Variants in DLG2 observed in about 807,000 individuals in gnomAD.
DLG2 encodes the protein discs large MAGUK scaffold protein 2.
DLG2 carries 45 observed loss-of-function variants against 132.5 expected under a neutral mutation model. The observed-to-expected ratio is 0.34, with a 90% CI of 0.27 to 0.44. The LOEUF (loss-of-function observed/expected upper bound fraction) is 0.44, where lower values mean the gene tolerates loss of function less well. Among genes scored for constraint, DLG2 ranks in the 20% least tolerant of loss-of-function variants. DLG2 has a pLI of 1.00. For synonymous variants in DLG2, 424 were observed against 419.6 expected (o/e 1.01, Z -0.13); for missense variants, 1,045 against 1,196.9 (o/e 0.87, Z 1.87).
chr11:85,428,843 GT>G (rs2090967471), intron 3 of DLG2, among the ~76,000 whole-genome samples: 1 of 151,960 alleles, frequency 6.6e-6, no homozygotes, highest in African/African-American at 2.4e-5. Flanking sequence ...CCAGGAGCTG[GT>G]TTTTTGAAAA....
At chr11:84,526,979 C>A (rs978674633) in intron 7 of DLG2, among the ~76,000 whole-genome samples, 6 of 152,018 alleles carry the variant, frequency 3.9e-5, no homozygotes, top group Non-Finnish European at 5.9e-5. Flanking sequence ...GGGGTTTCAC[C>A]GTTTTAGCCG....
chr11:84,342,066 T>A (rs1018584008), intron 7 of DLG2, among the ~76,000 whole-genome samples: 33 of 152,234 alleles, frequency 2.2e-4, no homozygotes, highest in African/African-American at 4.8e-4. Context: ...TTTTTTTTTT[T>A]AATTTTATTT....
chr11:84,021,514 A>G (rs1178330171), intron 11 of DLG2, among the ~76,000 whole-genome samples: 1 of 152,128 alleles, frequency 6.6e-6, no homozygotes, highest in Non-Finnish European at 1.5e-5. Flanking sequence ...CTGGTCCTTA[A>G]GCAGCTGCTA....
At chr11:85,161,072 T>C (rs1205656480) in intron 4 of DLG2, among the ~76,000 whole-genome samples, 1 of 152,122 alleles carries the variant, frequency 6.6e-6, no homozygotes, top group Non-Finnish European at 1.5e-5. Flanking sequence ...GGAAAATTGG[T>C]GACAAAGAAA....
intron 7 of DLG2, among the ~76,000 whole-genome samples, chr11:84,291,317 A>G (rs1487402277): frequency 6.6e-6 from 1 of 152,194 alleles, no homozygotes; most frequent in Non-Finnish European, 1.5e-5. Context: ...TAGACAAAAA[A>G]GAATATTGCC....
intron 6 of DLG2, among the ~76,000 whole-genome samples, chr11:84,594,125 A>T (rs934143153): frequency 6.6e-6 from 1 of 152,186 alleles, no homozygotes; most frequent in Non-Finnish European, 1.5e-5. Context: ...TTAGAATAGG[A>T]AATAATTGGT....
intron 6 of DLG2, among the ~76,000 whole-genome samples, chr11:85,093,346 T>C (rs2069143055): frequency 6.6e-6 from 1 of 152,150 alleles, no homozygotes; most frequent in African/African-American, 2.4e-5. Context: ...TTTTCACTTC[T>C]ATAATCTTCA....
chr11:83,782,880 G>C (rs2094892363), intron 18 of DLG2, among the ~76,000 whole-genome samples: 1 of 152,130 alleles, frequency 6.6e-6, no homozygotes, highest in Admixed American at 6.5e-5. Context: ...GGGTACCTGT[G>C]GGTGCACATG....
At chr11:84,737,559 A>C (rs2064017223) in intron 6 of DLG2, among the ~76,000 whole-genome samples, 1 of 151,364 alleles carries the variant, frequency 6.6e-6, no homozygotes, top group Non-Finnish European at 1.5e-5. Flanking sequence ...GTGTGTGGGA[A>C]GGTTTATGTA....
chr11:85,614,793 T>C (rs2081235199), intron 2 of DLG2, among the ~76,000 whole-genome samples: 1 of 152,358 alleles, frequency 6.6e-6, no homozygotes, highest in South Asian at 2.1e-4. Context: ...ACTACTACTA[T>C]ATACATTTTC....
intron 9 of DLG2, among the ~76,000 whole-genome samples, chr11:84,107,484 C>T (rs569076508): frequency 1.7e-5 from 1 of 58,572 alleles, no homozygotes; most frequent in South Asian, 6.2e-4. Flanking sequence ...TTTGAGCACT[C>T]CATCTTTAAT....
At chr11:84,779,338 C>T (rs11234175) in intron 6 of DLG2, among the ~76,000 whole-genome samples, 85,622 of 151,906 alleles carry the variant, frequency 0.56, 25,338 homozygotes, top group African/African-American at 0.74. Flanking sequence ...GTAAATAATA[C>T]TGCTTTCTTT....
At chr11:84,705,535 C>T (rs1036132469) in intron 6 of DLG2, among the ~76,000 whole-genome samples, 4 of 151,770 alleles carry the variant, frequency 2.6e-5, no homozygotes, top group Admixed American at 1.3e-4. Flanking sequence ...ATGAAACTAT[C>T]GATTATTTTA....
intron 10 of DLG2, among the ~76,000 whole-genome samples, chr11:84,061,911 A>T (rs2096597496): frequency 6.6e-6 from 1 of 151,608 alleles, no homozygotes; most frequent in Non-Finnish European, 1.5e-5. Flanking sequence ...TGTAGGCATC[A>T]TGGGTGCCAG....
intron 16 of DLG2, among the ~76,000 whole-genome samples, chr11:83,845,415 TGCA>T (rs1555048968): frequency 6.6e-6 from 1 of 152,204 alleles, no homozygotes; most frequent in Non-Finnish European, 1.5e-5. Flanking sequence ...CTCAGAAGGA[TGCA>T]GTATAATGTG....
chr11:83,891,521 C>A (rs1201953467), intron 15 of DLG2, among the ~76,000 whole-genome samples: 1 of 152,122 alleles, frequency 6.6e-6, no homozygotes, highest in Non-Finnish European at 1.5e-5. Context: ...TAGAATAAGC[C>A]TTTCATGATC....
At chr11:84,730,970 G>T (rs539288240) in intron 6 of DLG2, among the ~76,000 whole-genome samples, 1 of 152,128 alleles carries the variant, frequency 6.6e-6, no homozygotes, top group Non-Finnish European at 1.5e-5. Flanking sequence ...CAAGCATAAT[G>T]GTTCAAGTCC....
intron 21 of DLG2, among the ~76,000 whole-genome samples, chr11:83,504,493 A>G (rs1421439108): frequency 1.3e-5 from 2 of 152,184 alleles, no homozygotes; most frequent in Admixed American, 6.5e-5. Context: ...CACCCCAGCC[A>G]ACACTGTAAC....
chr11:84,782,235 G>A (rs1288840278), intron 6 of DLG2, among the ~76,000 whole-genome samples: 2 of 152,048 alleles, frequency 1.3e-5, no homozygotes, highest in Non-Finnish European at 2.9e-5. Flanking sequence ...ACAAACTTTT[G>A]AGAGGAGAGA....
Sources: gnomAD v4.1 joint callset for allele counts (sites outside exome capture counted in the v4.1 genomes callset) on GRCh38, gnomAD v4.1.1 for gene constraint, MANE v1.5 for transcripts, NCBI Gene and HGNC (gene_info 2026-07-23, HGNC 2026-07-21) for gene names.